The following PRKCA variants were observed in gnomAD, a reference collection of about 807,000 sequenced individuals.
PRKCA encodes protein kinase C alpha.
In PRKCA, 27 loss-of-function variants were observed where a neutral mutation model predicts 87.0. The ratio of observed to expected loss-of-function variants is 0.31; its 90% CI spans 0.23 to 0.43. The LOEUF is 0.43. Among genes scored for constraint, PRKCA ranks in the 20% least tolerant of loss-of-function variants. The pLI, the probability that PRKCA is intolerant of heterozygous loss-of-function variation, is 1.00. For missense variants in PRKCA, 518 were observed against 852.3 expected (o/e 0.61, Z 4.88); for synonymous variants, 329 against 311.1 (o/e 1.06, Z -0.61).
At chr17:66,335,310 T>C (rs936806882) in intron 2 of PRKCA, among the ~76,000 whole-genome samples, 1 of 152,068 alleles carries the variant, frequency 6.6e-6, no homozygotes, top group Admixed American at 6.6e-5. Flanking sequence ...TTTGATTTTT[T>C]TTTTAGTGGA....
chr17:66,354,653 C>G (rs1598611592), intron 2 of PRKCA, among the ~76,000 whole-genome samples: 1 of 152,138 alleles, frequency 6.6e-6, no homozygotes, highest in Non-Finnish European at 1.5e-5. Flanking sequence ...GCATATTTGG[C>G]CTCGGACTGC....
chr17:66,377,950 T>G (rs1330060606), intron 2 of PRKCA, among the ~76,000 whole-genome samples: 2 of 151,904 alleles, frequency 1.3e-5, no homozygotes. Flanking sequence ...CTGTTCATCA[T>G]GGTTTACTGT....
chr17:66,412,205 C>T (rs986741384), intron 2 of PRKCA, among the ~76,000 whole-genome samples: 11 of 151,968 alleles, frequency 7.2e-5, no homozygotes, highest in Non-Finnish European at 1.3e-4. Context: ...CCAAGGCACA[C>T]ACCACCACAT....
chr17:66,665,406 G>C (rs9896549), intron 5 of PRKCA, among the ~76,000 whole-genome samples: 62,792 of 151,882 alleles, frequency 0.41, 13,192 homozygotes, highest in East Asian at 0.5. Context: ...CTGCATGAGT[G>C]TTCATTCAGA....
chr17:66,728,733 G>T (rs75147303), intron 8 of PRKCA, among the ~76,000 whole-genome samples: 1 of 152,204 alleles, frequency 6.6e-6, no homozygotes, highest in Non-Finnish European at 1.5e-5. Context: ...CCTATCTGGA[G>T]GCTCATCACT....
intron 3 of PRKCA, among the ~76,000 whole-genome samples, chr17:66,504,934 C>T (rs1288040496): frequency 6.6e-6 from 1 of 152,136 alleles, no homozygotes; most frequent in African/African-American, 2.4e-5. Context: ...TTCTGCATGT[C>T]CTGTCGGGAC....
At chr17:66,477,543 T>C (rs541780795) in intron 2 of PRKCA, among the ~76,000 whole-genome samples, 1 of 152,030 alleles carries the variant, frequency 6.6e-6, no homozygotes, top group South Asian at 2.1e-4. Context: ...CTACTAAAAA[T>C]ACAAAAATTA....
intron 11 of PRKCA, among the ~76,000 whole-genome samples, chr17:66,740,503 C>T (rs531633229): frequency 3.3e-5 from 5 of 152,108 alleles, no homozygotes; most frequent in East Asian, 1.9e-4. Flanking sequence ...TTTTGGCCTG[C>T]GAGGGATTAT....
intron 14 of PRKCA, among the ~76,000 whole-genome samples, chr17:66,783,936 C>T (rs1380769971): frequency 3.3e-5 from 5 of 152,230 alleles, no homozygotes; most frequent in Non-Finnish European, 7.3e-5. Context: ...CCTACACGGT[C>T]GCACAGGGCC....
chr17:66,713,049 C>CTTTTTTTT (rs564655403), intron 8 of PRKCA, among the ~76,000 whole-genome samples: 25 of 104,412 alleles, frequency 2.4e-4, no homozygotes, highest in African/African-American at 5.7e-4. Flanking sequence ...CTTTGTTGTC[C>CTTTTTTTT]TTTTTTTTTT....
In PRKCA at chr17:66,623,743, G is replaced by A. The variant is rs150682362; in HGVS notation, c.289-17612G>A. ...TAAGAAATAAGATAACAGAACAAAA[G>A]CTCTGGAGGGCCCCTTTAACCGAGA... On this transcript the variant is annotated intron_variant, in intron 3 of 16. Transcript: ENST00000413366. 2.2e-3 allele frequency among the ~76,000 whole-genome samples: 330 copies of A among 152,228 alleles called. 1 individual carries two copies. Among genetic ancestry groups the A allele is most frequent in the African/African-American group, 7.0e-3 (290 of 41,538 alleles).
chr17:66,665,670 G>C (rs905281810), intron 5 of PRKCA, among the ~76,000 whole-genome samples: 2 of 152,192 alleles, frequency 1.3e-5, no homozygotes, highest in Non-Finnish European at 2.9e-5. Flanking sequence ...AACAAGCGCA[G>C]AGCCTGCAAG....
intron 2 of PRKCA, among the ~76,000 whole-genome samples, chr17:66,457,486 G>A (rs1014971135): frequency 2.0e-5 from 3 of 152,104 alleles, no homozygotes; most frequent in Non-Finnish European, 2.9e-5. Flanking sequence ...CATCTGGCTC[G>A]CTGTGAGCTC....
At chr17:66,742,494 T>C in intron 12 of PRKCA, 128 bp from the exon 13 acceptor site, 2 of 983,874 alleles carry the variant, frequency 2.0e-6, no homozygotes, top group Admixed American at 4.2e-5. Flanking sequence ...GATACTACAG[T>C]CCAGGGACTT....
chr17:66,348,672 C>A (rs995084482), intron 2 of PRKCA, among the ~76,000 whole-genome samples: 1 of 152,282 alleles, frequency 6.6e-6, no homozygotes, highest in South Asian at 2.1e-4. Context: ...GTCAACACCA[C>A]TATCTCATTT....
intron 8 of PRKCA, among the ~76,000 whole-genome samples, chr17:66,719,038 G>T (rs564995050): frequency 1.5e-3 from 226 of 152,190 alleles, no homozygotes; most frequent in Non-Finnish European, 2.5e-3. Context: ...GGGCACAAGG[G>T]TACTTGTTTG....
At chr17:66,667,249 G>A (rs185170059) in intron 5 of PRKCA, among the ~76,000 whole-genome samples, 2 of 152,300 alleles carry the variant, frequency 1.3e-5, no homozygotes, top group East Asian at 3.9e-4. Context: ...GAGTTAAACA[G>A]ATACAGCCTT....
intron 8 of PRKCA, among the ~76,000 whole-genome samples, chr17:66,728,733 G>A (rs75147303): frequency 0.019 from 2,898 of 152,320 alleles, 43 homozygotes; most frequent in Non-Finnish European, 0.03. Flanking sequence ...CCTATCTGGA[G>A]GCTCATCACT....
At chr17:66,768,759 G>A (rs563631184) in intron 13 of PRKCA, among the ~76,000 whole-genome samples, 1 of 152,300 alleles carries the variant, frequency 6.6e-6, no homozygotes, top group South Asian at 2.1e-4. Flanking sequence ...GCCCCCATGA[G>A]CCAATCACCT....
Sources: gnomAD v4.1 joint callset for allele counts (sites outside exome capture counted in the v4.1 genomes callset) on GRCh38, gnomAD v4.1.1 for gene constraint, MANE v1.5 for transcripts, NCBI Gene and HGNC (gene_info 2026-07-23, HGNC 2026-07-21) for gene names.